The following INHBC variants were observed in gnomAD, a reference collection of about 807,000 sequenced individuals.
INHBC encodes the protein inhibin subunit beta C.
Under a neutral mutation model 12.4 loss-of-function variants are expected in INHBC, and 10 were observed. The observed-to-expected ratio is 0.81, with a 90% confidence interval of 0.50 to 1.37. INHBC has a LOEUF of 1.37. Among genes scored for constraint, INHBC ranks in the 40% most tolerant of loss-of-function variants. The pLI, the probability that INHBC is intolerant of heterozygous loss-of-function variation, is 0.00. For synonymous variants in INHBC, 147 were observed against 171.6 expected, an observed-to-expected ratio of 0.86 and a Z score of 1.12; for missense variants, 382 against 439.4, an observed-to-expected ratio of 0.87 and a Z score of 1.17.
intron 1 of INHBC, among the ~76,000 whole-genome samples, chr12:57,439,318 A>G (rs1340044112): frequency 6.6e-6 from 1 of 152,196 alleles, no homozygotes; most frequent in Non-Finnish European, 1.5e-5. Flanking sequence ...CCAGGCAAAT[A>G]TCTAGGTCCA....
intron 1 of INHBC, among the ~76,000 whole-genome samples, chr12:57,436,987 A>G (rs1870356327): frequency 1.3e-5 from 2 of 151,994 alleles, no homozygotes; most frequent in Admixed American, 6.6e-5. Flanking sequence ...TACAGAGACA[A>G]GATTTCATCA....
chr12:57,449,853 C>A lies in INHBC; in HGVS notation c.890C>A (p.Ala297Glu). Residue 297 changes from alanine to glutamate, a missense_variant, in exon 2 of 2, where the codon GCA becomes GAA. Physicochemically the swap from Ala to Glu is moderately radical, Grantham distance 107. Coordinates refer to ENST00000309668, the MANE Select transcript of INHBC (RefSeq NM_005538.4). ...MPGIAASFHT[A>E]VLNLLKANTA... is the part of the protein sequence containing the mutation. Reference sequence around the variant, plus strand: ...GGTATTGCTGCCTCCTTTCACACTGCAGTGCTCAATCTTCTCAAGGCCAAC... The same window carrying A: ...GGTATTGCTGCCTCCTTTCACACTGAAGTGCTCAATCTTCTCAAGGCCAAC... 6.2e-7 allele frequency: 1 copy of A among 1,612,618 alleles called. No homozygotes were observed. Among genetic ancestry groups the A allele is most frequent in the Non-Finnish European group, 8.5e-7 (1 of 1,179,162 alleles).
intron 1 of INHBC, among the ~76,000 whole-genome samples, chr12:57,440,698 G>A (rs900464496): frequency 2.0e-5 from 3 of 151,978 alleles, no homozygotes; most frequent in Non-Finnish European, 4.4e-5. Flanking sequence ...TATACCAACT[G>A]GCATTTTCAG....
chr12:57,449,402 A>G lies in INHBC; in HGVS notation c.439A>G (p.Thr147Ala), dbSNP rs145048495. ...GCAGCTCCCTTCCAATACCACTTGG[A>G]CCTTGAAAGTGAGAGTCCTTGTGCT... ...FVQLPSNTTW[T>A]LKVRVLVLGP... The change falls in exon 2 of 2, where the codon ACC becomes GCC. Residue 147 changes from threonine to alanine, a missense_variant. Physicochemically the swap from Thr to Ala is moderately conservative, Grantham distance 58. Coordinates refer to ENST00000309668, the MANE Select transcript of INHBC (RefSeq NM_005538.4). 2.6e-4 allele frequency: 419 copies of G among 1,614,162 alleles called. 3 individuals are homozygous for G. The Admixed American group carries it at 6.3e-3, about 24-fold the overall frequency.
chr12:57,447,902 T>A (rs1292845961), intron 1 of INHBC, among the ~76,000 whole-genome samples: 30 of 87,876 alleles, frequency 3.4e-4, no homozygotes, highest in East Asian at 9.9e-4. Flanking sequence ...AATATATATA[T>A]ATATATATAT....
Position 57,434,957 on chromosome 12 carries a change from G to A in INHBC, c.71G>A (p.Gly24Asp), listed in dbSNP as rs1566548658. ...ACAGTGGCCACTCCCAGAGCTGGCG[G>A]TCAGTGTCCAGCATGTGGGGGGCCC... is the stretch of plus-strand genomic sequence containing the variant. ...PTTVATPRAGGQCPACGGPTL... is the reference protein window; with the variant it reads ...PTTVATPRAGDQCPACGGPTL... The change falls in exon 1 of 2, where the codon GGT (glycine) becomes GAT (aspartate). Residue 24 changes from glycine (G) to aspartate (D), a missense_variant. Gly to Asp is a moderately conservative substitution (Grantham distance 94). Transcript: ENST00000309668. 6.2e-7 allele frequency: 1 copy of A among 1,614,202 alleles called. No homozygotes were observed. Among genetic ancestry groups the A allele is most frequent in the Non-Finnish European group, 8.5e-7 (1 of 1,180,034 alleles).
intron 1 of INHBC, among the ~76,000 whole-genome samples, chr12:57,437,778 GTGTT>G (rs61037641): frequency 0.015 from 2,247 of 150,096 alleles, 54 homozygotes; most frequent in African/African-American, 0.053. Flanking sequence ...CCTCGTTTTT[GTGTT>G]TGTTTGTTTG....
rs141698549 is a variant in INHBC, at chr12:57,442,747, T to A, written c.314-6530T>A. Among the ~76,000 whole-genome samples the A allele has an allele frequency of 3.8e-3, 578 of 152,158 alleles. 2 individuals carry two copies. The highest frequency in any genetic ancestry group is 0.014 in the African/African-American group (563 of 41,524). ...GCTCACACCTGTAATCCCAGCACTT[T>A]GGGAGGTTGAGGTGGGCGGGTCACC... On this transcript the variant is annotated intron_variant, in intron 1 of 1. Coordinates refer to ENST00000309668, the MANE Select transcript of INHBC (RefSeq NM_005538.4).
intron 1 of INHBC, among the ~76,000 whole-genome samples, chr12:57,448,764 A>G (rs1343369936): frequency 6.6e-6 from 1 of 152,188 alleles, no homozygotes; most frequent in Admixed American, 6.6e-5. Flanking sequence ...GGAAGCCAAG[A>G]GAGAAAAGAT....
intron 1 of INHBC, among the ~76,000 whole-genome samples, chr12:57,443,964 T>C (rs1291006244): frequency 2.0e-5 from 3 of 151,998 alleles, no homozygotes; most frequent in East Asian, 2.0e-4. Context: ...AATTTTTGTA[T>C]GTTTAGTAGA....
At chr12:57,438,005 C>T (rs1259664702) in intron 1 of INHBC, among the ~76,000 whole-genome samples, 2 of 152,050 alleles carry the variant, frequency 1.3e-5, no homozygotes, top group Admixed American at 6.6e-5. Context: ...AGGCTGGTCT[C>T]GAACTCCTGA....
At chr12:57,446,525 A>C (rs568793) in intron 1 of INHBC, among the ~76,000 whole-genome samples, 64,438 of 150,126 alleles carry the variant, frequency 0.43, 14,658 homozygotes, top group South Asian at 0.52. Flanking sequence ...ACAGGGTCTC[A>C]TTTTGTTGCC....
At chr12:57,436,473 C>CTTTTTTTTT (rs71084754) in intron 1 of INHBC, among the ~76,000 whole-genome samples, 1 of 104,754 alleles carries the variant, frequency 9.5e-6, no homozygotes, top group Non-Finnish European at 2.0e-5. Context: ...TTTTCTTTTT[C>CTTTTTTTTT]TTTTTTTTTT....
At chr12:57,435,296 C>A in intron 1 of INHBC, 97 bp downstream of exon 1, 1 of 1,142,742 alleles carries the variant, frequency 8.8e-7, no homozygotes, top group Non-Finnish European at 1.2e-6. Context: ...TCCCCAAAAA[C>A]CATCCAACCC....
chr12:57,434,948 G>A lies in INHBC; in HGVS notation c.62G>A (p.Arg21Lys). 1 of 1,614,188 alleles carries A rather than the reference G, an allele frequency of 6.2e-7. No individual in the cohort carries two copies. The highest frequency in any genetic ancestry group is 8.5e-7 in the Non-Finnish European group (1 of 1,180,036). The change falls in exon 1 of 2, where the codon AGA (arginine) becomes AAA (lysine). Residue 21 changes from arginine to lysine, a missense_variant. Coordinates refer to ENST00000309668, the MANE Select transcript of INHBC (RefSeq NM_005538.4). ...GCTCCAACCACAGTGGCCACTCCCAGAGCTGGCGGTCAGTGTCCAGCATGT... is the reference window on the plus strand; with the variant it reads ...GCTCCAACCACAGTGGCCACTCCCAAAGCTGGCGGTCAGTGTCCAGCATGT... ...LLAPTTVATP[R>K]AGGQCPACGG...
rs1870701923 is a variant in INHBC at position 57,451,023 on chromosome 12, T to A, written c.*1001T>A. 6.6e-6 allele frequency among the ~76,000 whole-genome samples: 1 copy of A among 152,206 alleles called. No homozygotes were observed. The highest frequency in any genetic ancestry group is 1.5e-5 in the Non-Finnish European group (1 of 68,028). ...CAAGGGCCCTAACTGGCACCCCAGA[T>A]GACACAGAGCCTGCCTGCTTATGCT... On this transcript the variant is annotated 3_prime_UTR_variant, in exon 2 of 2. Coordinates refer to ENST00000309668, the MANE Select transcript of INHBC (RefSeq NM_005538.4).
In INHBC at chr12:57,450,477, T is replaced by A. The variant is rs1305902882; in HGVS notation, c.*455T>A. ...ATCTCCAGAGAGGCCCTTCTTTGGA[T>A]TCACCAAAGTTTAGATCACTGCTGC... On this transcript the variant is annotated 3_prime_UTR_variant, in exon 2 of 2. Coordinates refer to ENST00000309668, the MANE Select transcript of INHBC (RefSeq NM_005538.4). The A allele has an allele frequency of 6.5e-6, 1 of 153,728 alleles. No homozygotes were observed. The highest frequency in any genetic ancestry group is 6.5e-5 in the Admixed American group (1 of 15,320). 9.5% of individuals were successfully genotyped at this position (153,728 alleles called of 1,614,324 possible).
At chr12:57,447,914 T>TATATATATAA (rs1466431601) in intron 1 of INHBC, among the ~76,000 whole-genome samples, 1 of 99,558 alleles carries the variant, frequency 1.0e-5, no homozygotes, top group Admixed American at 1.2e-4. Flanking sequence ...TATATATATA[T>TATATATATAA]ATATATATAA....
intron 1 of INHBC, among the ~76,000 whole-genome samples, chr12:57,439,048 C>T (rs973662124): frequency 6.6e-6 from 1 of 152,136 alleles, no homozygotes; most frequent in Non-Finnish European, 1.5e-5. Context: ...CCATGGTGGG[C>T]GAATTTGTAG....
Sources: gnomAD v4.1 joint callset for allele counts (sites outside exome capture counted in the v4.1 genomes callset) on GRCh38, gnomAD v4.1.1 for gene constraint, MANE v1.5 for transcripts, NCBI Gene and HGNC (gene_info 2026-07-23, HGNC 2026-07-21) for gene names.